The following HR variants were observed in gnomAD, a reference collection of about 807,000 sequenced individuals.
HR encodes lysine-specific demethylase hairless.
In HR, 83 loss-of-function variants were observed where a neutral mutation model predicts 128.6. The observed-to-expected ratio is 0.65, with a 90% CI of 0.54 to 0.77. The LOEUF (loss-of-function observed/expected upper bound fraction) is 0.77, where lower values mean the gene tolerates loss of function less well. Among genes scored for constraint, HR ranks in the 30% least tolerant of loss-of-function variants. HR has a pLI of 0.00. For synonymous variants in HR, 681 were observed against 658.2 expected (o/e 1.03, Z -0.53); for missense variants, 1,490 against 1,574.6 (o/e 0.95, Z 0.91).
chr8:22,128,445 C>T, intron 2 of HR, 114 bp downstream of exon 2: 1 of 1,426,146 alleles, frequency 7.0e-7, no homozygotes, highest in South Asian at 1.2e-5. Context: ...GCTGATAGAC[C>T]CCTCTACCTC....
chr8:22,119,650 C>A, intron 14 of HR, 110 bp downstream of exon 14: 3 of 1,263,604 alleles, frequency 2.4e-6, no homozygotes, highest in Non-Finnish European at 3.2e-6. Flanking sequence ...GAAATGGAAT[C>A]AGAGAAGCGC....
At position 22,125,428 on chromosome 8, in the gene HR, C is replaced by T. The variant is rs144821219; in HGVS notation, c.1633G>A (p.Gly545Ser). 4 of 1,613,016 alleles carry T rather than the reference C, an allele frequency of 2.5e-6. No homozygotes were observed. Among genetic ancestry groups the T allele is most frequent in the South Asian group, 2.2e-5 (2 of 90,950 alleles). Residue 545 changes from glycine to serine, a missense_variant, in exon 5 of 19, where the codon GGC becomes AGC. Gly to Ser is a moderately conservative substitution (Grantham distance 56). Around this residue, in one of 3 missense-constraint regions of HR, gnomAD observed 1,060 missense variants for 1,060.9 expected, o/e 1.00. Transcript: ENST00000381418. ...CCTGTGCTGAGCCGGCTGTCAGGGC[C>T]GGACCCTGGGCCTTCCTCAGAGCTG... ...NSSSEEGPGS[G>S]PDSRLSTGLA...
At position 22,116,402 on chromosome 8, in the gene HR, GCTGA is replaced by G; in HGVS notation, c.3401_3404del (p.Val1134AlafsTer44). 6.2e-7 allele frequency: 1 copy of G among 1,613,754 alleles called. No homozygotes were observed. Among genetic ancestry groups the G allele is most frequent in the Non-Finnish European group, 8.5e-7 (1 of 1,179,910 alleles). On this transcript the variant is annotated frameshift_variant, in exon 18 of 19. Transcript: ENST00000381418. LOFTEE classifies it high-confidence loss of function. This position sits in a 1 kb window ranked among gnomAD's most constrained non-coding sequence, Gnocchi z 4.2. ...CAGGGGAGAGGAAGTGCTGAGTGAC[GCTGA>G]CTGTGCTCACCAGGCCCTGCACCTG...
At chr8:22,121,502 TG>T (rs148117748) in intron 9 of HR, 110 bp downstream of exon 9, 37 of 1,099,920 alleles carry the variant, frequency 3.4e-5, no homozygotes, top group African/African-American at 7.9e-5. Flanking sequence ...TTATTGGGGG[TG>T]GGGGGGAGTT....
At position 22,118,997 on chromosome 8, in the gene HR, C is replaced by G. The variant is rs773492082; in HGVS notation, c.3166G>C (p.Val1056Leu). ...CGCTGGGCGTCCTGTGCCCGGAACA[C>G]GTGCCACACAGTGCTGACCTGGCTG... is the stretch of plus-strand genomic sequence containing the variant. The part of the protein sequence containing the change: ...PGSQVSTVWH[V>L]FRAQDAQRIR... Residue 1056 changes from valine to leucine, a missense_variant, in exon 16 of 19, where the codon GTG becomes CTG. Val to Leu is a conservative substitution (Grantham distance 32). This residue lies in a region of HR where 423 missense variants were observed against 495.9 expected (regional missense o/e 0.85). Transcript: ENST00000381418. 6.2e-7 allele frequency: 1 copy of G among 1,612,802 alleles called. No homozygotes were observed. The highest frequency in any genetic ancestry group is 8.5e-7 in the Non-Finnish European group (1 of 1,180,014).
chr8:22,116,303 G>A lies in HR; in HGVS notation c.3504C>T (p.Ala1168=). 6.2e-7 allele frequency: 1 copy of A among 1,612,132 alleles called. No homozygotes were observed. The highest frequency in any genetic ancestry group is 1.3e-5 in the African/African-American group (1 of 74,986). Residue 1168 remains alanine (A), a synonymous_variant, in exon 18 of 19, where the codon GCC becomes GCT. Coordinates refer to ENST00000381418, the MANE Select transcript of HR (RefSeq NM_005144.5). This position sits in a 1 kb window ranked among gnomAD's most constrained non-coding sequence, Gnocchi z 4.2. The stretch of plus-strand genomic sequence containing the variant: ...TGCTGGCCCACATCCCACTCACCTG[G>A]GCATAAAGCAGGTGGCAGTCAGGGG... ...SLPPDCHLLY[A]QMDWAVFQAV...
chr8:22,118,518 A>C, intron 16 of HR: 1 of 186,456 alleles, frequency 5.4e-6, no homozygotes, highest in Non-Finnish European at 1.1e-5. Flanking sequence ...GCCTCCAGGA[A>C]GAGCATAGAG....
chr8:22,125,525 G>A (rs998609250), intron 4 of HR, 21 bp from the exon 5 acceptor site: 1 of 1,613,200 alleles, frequency 6.2e-7, no homozygotes, highest in Admixed American at 1.7e-5. Context: ...GGCAGGGGGA[G>A]GTGAGCAGGG....
intron 3 of HR, among the ~76,000 whole-genome samples, chr8:22,125,970 G>T (rs1382710141): frequency 6.6e-6 from 1 of 152,224 alleles, no homozygotes; most frequent in Non-Finnish European, 1.5e-5. Context: ...CGAAGAGGTT[G>T]TCTGGTGTGT....
At position 22,117,065 on chromosome 8, in the gene HR, C is replaced by T. The variant is rs370244668; in HGVS notation, c.3214-26G>A. 2.8e-5 allele frequency: 41 copies of T among 1,468,146 alleles called. No homozygotes were observed. The East Asian group carries it at 5.3e-4, about 19-fold the overall frequency. 90.9% of individuals were successfully genotyped at this position (1,468,146 alleles called of 1,614,324 possible). On this transcript the variant is annotated intron_variant, in intron 16 of 18. Transcript: ENST00000381418. ...CTCAAAGAAGAGAAGGGGGAATGAGCGAGATGGGGAGGGAAGGGCAGGGCT... is the reference window on the plus strand; with the variant it reads ...CTCAAAGAAGAGAAGGGGGAATGAGTGAGATGGGGAGGGAAGGGCAGGGCT...
In HR at chr8:22,119,905, G is replaced by C; in HGVS notation, c.2847-15C>G. The C allele has an allele frequency of 6.2e-7, 1 of 1,613,070 alleles. No homozygotes were observed. The highest frequency in any genetic ancestry group is 8.5e-7 in the Non-Finnish European group (1 of 1,179,928). ...GGTTCTCCACCCTGTCAGGGTAGGG[G>C]GTCATGCCCAGCAGGCCCAACCTGG... On this transcript the variant is annotated splice_polypyrimidine_tract_variant and intron_variant, in intron 13 of 18. Transcript: ENST00000381418.
intron 16 of HR, 123 bp downstream of exon 16, chr8:22,118,827 T>C: frequency 2.5e-6 from 2 of 793,886 alleles, no homozygotes; most frequent in South Asian, 3.2e-5. Flanking sequence ...GAGTTGGGTC[T>C]GTGCAGCTCA....
chr8:22,127,733 G>T lies in HR; in HGVS notation c.709C>A (p.Leu237Met). 1 of 1,605,204 alleles carries T rather than the reference G, an allele frequency of 6.2e-7. No individual in the cohort carries two copies. ...GLFGLNSGGH[L>M]QRAGEAERPS... Reference sequence around the variant, plus strand: ...CGTTCGGCCTCCCCGGCTCTCTGCAGGTGCCCACCAGAGTTTAAGCCAAAC... The same window carrying T: ...CGTTCGGCCTCCCCGGCTCTCTGCATGTGCCCACCAGAGTTTAAGCCAAAC... The change falls in exon 3 of 19, where the codon CTG (leucine) becomes ATG (methionine). Residue 237 changes from leucine (L) to methionine (M), a missense_variant. Leu to Met is a conservative substitution (Grantham distance 15, BLOSUM62 2). Coordinates refer to ENST00000381418, the MANE Select transcript of HR (RefSeq NM_005144.5).
At chr8:22,123,617 T>TGGGGCGCCCC in intron 6 of HR, 32 bp downstream of exon 6, 1 of 292,092 alleles carries the variant, frequency 3.4e-6, no homozygotes, top group Non-Finnish European at 6.2e-6. Flanking sequence ...GAGGGCTCCA[T>TGGGGCGCCCC]CCCGCCCTCC....
chr8:22,122,414 A>T (rs900214444), intron 8 of HR, 79 bp downstream of exon 8: 57 of 1,006,736 alleles, frequency 5.7e-5, no homozygotes, highest in Admixed American at 1.1e-4. Flanking sequence ...CCCCACCAAG[A>T]AAAGGGGGGG....
chr8:22,121,703 CCCATCCACCA>C lies in HR; in HGVS notation c.2122-19_2122-10del. On this transcript the variant is annotated splice_polypyrimidine_tract_variant and intron_variant, in intron 8 of 18. Transcript: ENST00000381418. ...TTCTGTGTTGATTCCTTCTGTTAAA[CCCATCCACCA>C]CCCCCCCAATCCAACCAGAGATTTT... The C allele has an allele frequency of 3.1e-6, 5 of 1,612,762 alleles. No individual in the cohort carries two copies. Among genetic ancestry groups the C allele is most frequent in the Non-Finnish European group, 4.2e-6 (5 of 1,179,250 alleles).
chr8:22,119,930 G>A, intron 13 of HR, 40 bp from the exon 14 acceptor site: 1 of 1,612,212 alleles, frequency 6.2e-7, no homozygotes, highest in East Asian at 2.2e-5. Flanking sequence ...GCCCAACCTG[G>A]GCACCAGAGA....
chr8:22,123,617 T>TCCACC, intron 6 of HR, 32 bp downstream of exon 6: 2 of 292,092 alleles, frequency 6.8e-6, no homozygotes, highest in Non-Finnish European at 1.2e-5. Context: ...GAGGGCTCCA[T>TCCACC]CCCGCCCTCC....
Position 22,122,525 on chromosome 8 carries a change from G to A in HR, c.2089C>T (p.Arg697Trp), listed in dbSNP as rs200032133. Residue 697 changes from arginine to tryptophan, a missense_variant, in exon 8 of 19, where the codon CGG (arginine) becomes TGG (tryptophan). By Grantham distance (101) the Arg-to-Trp change is moderately radical. Around this residue, in one of 3 missense-constraint regions of HR, gnomAD observed 1,060 missense variants for 1,060.9 expected, o/e 1.00. Coordinates refer to ENST00000381418, the MANE Select transcript of HR (RefSeq NM_005144.5). ...CCTGCATCCCCGGGGGCCCATACCC[G>A]GGCATCAGCTTGGCAGGGGCAGTGC... ...RGHCPCQADA[R>W]VWAPGDAGQQ... 120 of 1,611,678 alleles carry A rather than the reference G, an allele frequency of 7.4e-5. No individual in the cohort carries two copies. Among genetic ancestry groups the A allele is most frequent in the African/African-American group, 8.0e-5 (6 of 74,984 alleles).
Sources: gnomAD v4.1 joint callset for allele counts (sites outside exome capture counted in the v4.1 genomes callset) on GRCh38, gnomAD v4.1.1 for gene constraint, gnomAD v4.1.1 regional missense constraint, Gnocchi (gnomAD v3.1) non-coding constraint, MANE v1.5 for transcripts, NCBI Gene and HGNC (gene_info 2026-07-23, HGNC 2026-07-21) for gene names.